PGAM5: variants seen among roughly 807,000 people sequenced by gnomAD.
PGAM5 encodes the protein serine/threonine-protein phosphatase PGAM5, mitochondrial.
A neutral mutation model predicts 30.6 loss-of-function variants in PGAM5; 25 were observed. That is an observed-to-expected ratio of 0.82 (90% CI 0.60 to 1.14). The LOEUF is 1.14. Ranked by LOEUF, PGAM5 falls within the 50% of genes most tolerant of loss-of-function variation. The pLI is 0.00. For synonymous variants in PGAM5, 201 were observed against 179.1 expected (o/e 1.12, Z -0.98); for missense variants, 384 against 408.5 (o/e 0.94, Z 0.52).
chr12:132,717,852 CGGCCCTGCTG>C lies in PGAM5; in HGVS notation c.585+58_585+67del, dbSNP rs2043598169. On this transcript the variant is annotated intron_variant, in intron 4 of 5. Coordinates refer to ENST00000498926, the MANE Select transcript of PGAM5 (RefSeq NM_001170543.2). ...TCACCCTCGCCTTCCCTGGGCAAAG[CGGCCCTGCTG>C]GGCTCACCATCCACCACGTGCCCGG... 3 of 1,584,952 alleles carry C rather than the reference CGGCCCTGCTG, an allele frequency of 1.9e-6. No individual in the cohort carries two copies. In the African/African-American group the frequency reaches 4.0e-5, roughly 21 times the overall value.
rs1459212501 is a variant in PGAM5 at position 132,717,879 on chromosome 12, C to A, written c.585+81C>A. On this transcript the variant is annotated intron_variant, in intron 4 of 5. Transcript: ENST00000498926. ...GCCCTGCTGGGCTCACCATCCACCA[C>A]GTGCCCGGCCGTCCCACGGGCTTCC... 52 of 1,592,446 alleles carry A rather than the reference C, an allele frequency of 3.3e-5. No homozygotes were observed. In the South Asian group the frequency reaches 5.6e-4, roughly 17 times the overall value.
Position 132,711,036 on chromosome 12 carries a change from G to T in PGAM5, c.160G>T (p.Gly54Cys). ...GGCCTGGGCGGGGGGCGCGCGGCCG[G>T]GCCCCGGTGTCTGGGACCCCAACTG... ...PPAWAGGARPGPGVWDPNWDR... is the reference protein window; with the variant it reads ...PPAWAGGARPCPGVWDPNWDR... The change falls in exon 1 of 6, where the codon GGC becomes TGC. Residue 54 changes from glycine (G) to cysteine (C), a missense_variant. Coordinates refer to ENST00000498926, the MANE Select transcript of PGAM5 (RefSeq NM_001170543.2). 8.2e-7 allele frequency: 1 copy of T among 1,213,576 alleles called. No individual in the cohort carries two copies. The highest frequency in any genetic ancestry group is 4.4e-5 in the Admixed American group (1 of 22,962). 75.2% of individuals were successfully genotyped at this position (1,213,576 alleles called of 1,614,324 possible). A position where few individuals can be genotyped will look rare whatever the true frequency, so the allele number is the denominator to read the frequency against.
At position 132,722,041 on chromosome 12, in the gene PGAM5, A is replaced by T. The variant is rs2043650068; in HGVS notation, c.*1213A>T. On this transcript the variant is annotated 3_prime_UTR_variant, in exon 6 of 6. Coordinates refer to ENST00000498926, the MANE Select transcript of PGAM5 (RefSeq NM_001170543.2). Reference sequence around the variant, plus strand: ...GGGCCGAGGGACTAGCCAGCTGCACAGGTGACTGGATGGGGGAGGGGCAGG... The same window carrying T: ...GGGCCGAGGGACTAGCCAGCTGCACTGGTGACTGGATGGGGGAGGGGCAGG... 6.6e-6 allele frequency: 1 copy of T among 150,656 alleles called. No individual in the cohort carries two copies. Among genetic ancestry groups the T allele is most frequent in the African/African-American group, 2.5e-5 (1 of 40,276 alleles). The allele number at this position is 150,656 out of a possible 1,614,324, so 9.3% of individuals were successfully genotyped here. A position where few individuals can be genotyped will look rare whatever the true frequency, so the allele number is the denominator to read the frequency against.
intron 2 of PGAM5, among the ~76,000 whole-genome samples, chr12:132,715,969 T>C (rs764547960): frequency 1.3e-4 from 20 of 152,226 alleles, no homozygotes; most frequent in Non-Finnish European, 2.8e-4. Context: ...AGTGATTTTA[T>C]ACCTGCTTGA....
At position 132,721,697 on chromosome 12, in the gene PGAM5, T is replaced by G. The variant is rs781426659; in HGVS notation, c.*869T>G. On this transcript the variant is annotated 3_prime_UTR_variant, in exon 6 of 6. Transcript: ENST00000498926. The stretch of plus-strand genomic sequence containing the variant: ...TCTGCCTCCTGGGTTCAAGTGATTC[T>G]CCTGCCTCAGCTCCCGAGTAGCTGG... 6.6e-6 allele frequency: 1 copy of G among 152,246 alleles called. No homozygotes were observed. The highest frequency in any genetic ancestry group is 1.5e-5 in the Non-Finnish European group (1 of 68,072). 9.4% of individuals were successfully genotyped at this position (152,246 alleles called of 1,614,324 possible).
chr12:132,712,916 G>A (rs886647262), intron 1 of PGAM5, among the ~76,000 whole-genome samples: 3 of 152,096 alleles, frequency 2.0e-5, no homozygotes, highest in Non-Finnish European at 1.5e-5. Flanking sequence ...CCAGCATTTT[G>A]AGAGGCTGAG....
chr12:132,713,577 A>T (rs893902250), intron 1 of PGAM5, among the ~76,000 whole-genome samples: 2 of 152,172 alleles, frequency 1.3e-5, no homozygotes, highest in Admixed American at 6.5e-5. Context: ...TTGAGTCACC[A>T]CCGTGCCCTT....
chr12:132,717,668 G>T, intron 3 of PGAM5, 42 bp from the exon 4 acceptor site: 1 of 1,566,932 alleles, frequency 6.4e-7, no homozygotes, highest in Non-Finnish European at 8.7e-7. Context: ...ATCTCCGCCG[G>T]CGGGGCCGCC....
chr12:132,714,965 T>C lies in PGAM5; in HGVS notation c.299T>C (p.Ile100Thr). 1 of 1,613,544 alleles carries C rather than the reference T, an allele frequency of 6.2e-7. No homozygotes were observed. The highest frequency in any genetic ancestry group is 8.5e-7 in the Non-Finnish European group (1 of 1,179,998). ...DHYKAKATRHIFLIRHSQYHV... is the reference protein window; with the variant it reads ...DHYKAKATRHTFLIRHSQYHV... ...TACAAAGCCAAGGCCACGCGGCACA[T>C]CTTCCTCATCAGGCATTCCCAGTAC... is the stretch of plus-strand genomic sequence containing the variant. Residue 100 changes from isoleucine to threonine, a missense_variant, in exon 2 of 6, where the codon ATC becomes ACC. Physicochemically the swap from Ile to Thr is moderately conservative, Grantham distance 89. Transcript: ENST00000498926.
rs542934208 is a variant in PGAM5 at position 132,714,923 on chromosome 12, C to T, written c.257C>T (p.Ala86Val). 3.7e-6 allele frequency: 6 copies of T among 1,613,700 alleles called. No individual in the cohort carries two copies. The highest frequency in any genetic ancestry group is 1.3e-5 in the African/African-American group (1 of 75,056). Residue 86 changes from alanine (A) to valine (V), a missense_variant, in exon 2 of 6, where the codon GCG (alanine) becomes GTG (valine). Ala to Val is a moderately conservative substitution (Grantham distance 64). Coordinates refer to ENST00000498926, the MANE Select transcript of PGAM5 (RefSeq NM_001170543.2). ...GTGGAATCTGGGGAAGAAGAGCTGG[C>T]GTCCAAGCTGGACCACTACAAAGCC... ...RNVESGEEEL[A>V]SKLDHYKAKA...
At chr12:132,717,059 A>C (rs1038622252) in intron 2 of PGAM5, among the ~76,000 whole-genome samples, 1 of 152,216 alleles carries the variant, frequency 6.6e-6, no homozygotes, top group Non-Finnish European at 1.5e-5. Context: ...TGTGAGGCTC[A>C]GGTTTTGGAC....
chr12:132,717,096 G>A (rs2043585469), intron 2 of PGAM5, among the ~76,000 whole-genome samples: 1 of 152,210 alleles, frequency 6.6e-6, no homozygotes, highest in African/African-American at 2.4e-5. Context: ...GACAAGGGGG[G>A]ACCCAGAAAC....
Position 132,717,790 on chromosome 12 carries a change from G to T in PGAM5, c.577G>T (p.Glu193Ter). The change falls in exon 4 of 6, where the codon GAA (glutamate) becomes TAA (stop). Residue 193 changes from glutamate (E) to a stop codon, truncating the protein, a stop_gained. Transcript: ENST00000498926. LOFTEE classifies it high-confidence loss of function. ...PDPPVSHWKPEAVQYYEDGAR... is the reference protein window; with the variant it reads ...PDPPVSHWKP ...CCCGCCCGTGTCTCATTGGAAGCCG[G>T]AAGCTGTGGTAAAAACCTCCCCGGG... 1.3e-6 allele frequency: 2 copies of T among 1,586,218 alleles called. No individual in the cohort carries two copies. Among genetic ancestry groups the T allele is most frequent in the Non-Finnish European group, 1.7e-6 (2 of 1,166,390 alleles).
chr12:132,714,002 C>T (rs946732381), intron 1 of PGAM5, among the ~76,000 whole-genome samples: 1 of 152,018 alleles, frequency 6.6e-6, no homozygotes, highest in African/African-American at 2.4e-5. Flanking sequence ...ATGTTTTCTT[C>T]CTCACTGAGT....
At chr12:132,715,211 C>T (rs1380925990) in intron 2 of PGAM5, among the ~76,000 whole-genome samples, 175 bp downstream of exon 2, 1 of 152,208 alleles carries the variant, frequency 6.6e-6, no homozygotes, top group Non-Finnish European at 1.5e-5. Context: ...AGACCATCAC[C>T]CCTGAATCAC....
At chr12:132,718,911 T>C (rs1395609675) in intron 5 of PGAM5, 9 of 1,588,564 alleles carry the variant, frequency 5.7e-6, no homozygotes, top group Admixed American at 1.7e-5. Context: ...CTGAGTCACG[T>C]TGCTGCTCGG....
intron 1 of PGAM5, chr12:132,711,351 C>T (rs1025571758): frequency 2.9e-5 from 7 of 237,310 alleles, no homozygotes; most frequent in Admixed American, 2.3e-4. Flanking sequence ...GAGCGCGGGC[C>T]GGGGCGAGGC....
At chr12:132,719,519 T>C (rs1050178503) in intron 5 of PGAM5, among the ~76,000 whole-genome samples, 3 of 152,196 alleles carry the variant, frequency 2.0e-5, no homozygotes, top group African/African-American at 7.2e-5. Flanking sequence ...GTTCGTTGCC[T>C]CCTGTCTGTG....
intron 5 of PGAM5, chr12:132,719,258 G>A (rs925404067): frequency 1.1e-4 from 121 of 1,115,124 alleles, no homozygotes; most frequent in Admixed American, 2.4e-4. Flanking sequence ...TGTGGTGGGA[G>A]GACAGGACGG....
Sources: gnomAD v4.1 joint callset for allele counts (sites outside exome capture counted in the v4.1 genomes callset) on GRCh38, gnomAD v4.1.1 for gene constraint, MANE v1.5 for transcripts, NCBI Gene and HGNC (gene_info 2026-07-23, HGNC 2026-07-21) for gene names.